Variants in PCNT observed in about 807,000 individuals in gnomAD.
The protein encoded by PCNT is pericentrin.
Under a neutral mutation model 380.4 loss-of-function variants are expected in PCNT, and 319 were observed. The observed-to-expected ratio is 0.84, with a 90% CI of 0.77 to 0.92. The LOEUF is 0.92. Among genes scored for constraint, PCNT ranks in the 40% least tolerant of loss-of-function variants. PCNT has a pLI of 0.00. For synonymous variants in PCNT, 1,845 were observed against 1,735.2 expected, an observed-to-expected ratio of 1.06 and a Z score of -1.57; for missense variants, 4,400 against 4,255.3, an observed-to-expected ratio of 1.03 and a Z score of -0.95.
Position 46,356,988 on chromosome 21 carries a change from C to T in PCNT, c.1951C>T (p.His651Tyr), listed in dbSNP as rs1173381515. Residue 651 changes from histidine to tyrosine, a missense_variant, in exon 13 of 47, where the codon CAT (histidine) becomes TAT (tyrosine). Coordinates refer to ENST00000359568, the MANE Select transcript of PCNT (RefSeq NM_006031.6). ...TTTCCACACAGAGCTTCCCTGGGTG[C>T]ATCTCCAGGGTGTGCAGGACGGGGA... ...EGHSQELPWV[H>Y]LQGVQDGDLE... 3 of 1,613,906 alleles carry T rather than the reference C, an allele frequency of 1.9e-6. No individual in the cohort carries two copies. Among genetic ancestry groups the T allele is most frequent in the South Asian group, 1.1e-5 (1 of 91,074 alleles).
At chr21:46,342,626 C>T (rs1050801994) in intron 3 of PCNT, among the ~76,000 whole-genome samples, 2 of 151,700 alleles carry the variant, frequency 1.3e-5, no homozygotes, top group Non-Finnish European at 1.5e-5. Context: ...CTGCAACCTC[C>T]GCCTCCCGGG....
chr21:46,392,041 G>T (rs1020508086), intron 21 of PCNT, among the ~76,000 whole-genome samples: 1 of 152,108 alleles, frequency 6.6e-6, no homozygotes, highest in Non-Finnish European at 1.5e-5. Context: ...AGAAGCTTGG[G>T]CATCGCAGGC....
chr21:46,354,101 C>A (rs1466364080), intron 11 of PCNT, 33 bp downstream of exon 11: 2 of 1,578,284 alleles, frequency 1.3e-6, no homozygotes, highest in South Asian at 1.1e-5. Flanking sequence ...GTGGGGGAGT[C>A]CTGTGCTCTT....
intron 38 of PCNT, 84 bp from the exon 39 acceptor site, chr21:46,435,820 G>A: frequency 6.5e-7 from 1 of 1,532,224 alleles, no homozygotes. Context: ...AGGATTACAG[G>A]CATGAACCAC....
At chr21:46,395,651 A>G (rs1319468633) in intron 21 of PCNT, among the ~76,000 whole-genome samples, 1 of 151,982 alleles carries the variant, frequency 6.6e-6, no homozygotes, top group Non-Finnish European at 1.5e-5. Context: ...CAGAAATAAT[A>G]GTAATAAAAT....
intron 16 of PCNT, among the ~76,000 whole-genome samples, chr21:46,384,132 A>T (rs573815722): frequency 2.1e-5 from 3 of 142,764 alleles, no homozygotes; most frequent in Non-Finnish European, 4.6e-5. Context: ...TTGTATATTC[A>T]GTGATGGAAG....
chr21:46,405,848 T>G (rs1167384484), intron 27 of PCNT, among the ~76,000 whole-genome samples: 2 of 152,258 alleles, frequency 1.3e-5, no homozygotes, highest in Admixed American at 1.3e-4. Context: ...AGTATTTTTG[T>G]TCCATTAAGA....
At chr21:46,391,540 G>T (rs185378145) in intron 21 of PCNT, among the ~76,000 whole-genome samples, 164 bp downstream of exon 21, 1 of 152,212 alleles carries the variant, frequency 6.6e-6, no homozygotes. Flanking sequence ...GTGCGGATCA[G>T]GTGAGGCATC....
intron 13 of PCNT, 96 bp downstream of exon 13, chr21:46,357,287 G>T: frequency 1.1e-6 from 1 of 883,802 alleles, no homozygotes; most frequent in Admixed American, 1.7e-5. Context: ...GGGCATCCTG[G>T]GGACAGCCCA....
At position 46,444,769 on chromosome 21, in the gene PCNT, G is replaced by GT. The variant is rs2053709649; in HGVS notation, c.9916dup (p.Tyr3306LeufsTer30). On this transcript the variant is annotated frameshift_variant, in exon 46 of 47. Coordinates refer to ENST00000359568, the MANE Select transcript of PCNT (RefSeq NM_006031.6). LOFTEE classifies it high-confidence loss of function. ...AAGATCCAGAACATTCCTTGACAGA[G>GT]TATATTCACCATTTAGAAGTGATCC... 1.2e-6 allele frequency: 2 copies of GT among 1,612,854 alleles called. No homozygotes were observed.
Position 46,385,850 on chromosome 21 carries a change from T to G in PCNT, c.3331T>G (p.Ser1111Ala), listed in dbSNP as rs765630286. The G allele has an allele frequency of 1.4e-5, 22 of 1,614,132 alleles. No individual in the cohort carries two copies. The highest frequency in any genetic ancestry group is 1.8e-5 in the Non-Finnish European group (21 of 1,180,052). ...TCGATAGCTGAAAGACCAGGTTTTA[T>G]CCTTAAGTCACGAGATAGAAGAGTG... ...QVQQLKDQVL[S>A]LSHEIEECRS... The change falls in exon 17 of 47, where the codon TCC becomes GCC. Residue 1111 changes from serine (S) to alanine (A), a missense_variant. Ser to Ala is a moderately conservative substitution (Grantham distance 99). Transcript: ENST00000359568.
At position 46,440,212 on chromosome 21, in the gene PCNT, G is replaced by C. The variant is rs1454552052; in HGVS notation, c.9393+10G>C. 6.2e-7 allele frequency: 1 copy of C among 1,613,908 alleles called. No homozygotes were observed. The highest frequency in any genetic ancestry group is 8.5e-7 in the Non-Finnish European group (1 of 1,180,022). Reference sequence around the variant, plus strand: ...CACCAGCAATGTCAAGGTAGGAACGGTGCCACGAGTATAGAACTTTGGTGC... The same window carrying C: ...CACCAGCAATGTCAAGGTAGGAACGCTGCCACGAGTATAGAACTTTGGTGC... On this transcript the variant is annotated intron_variant, in intron 42 of 46. Transcript: ENST00000359568.
In PCNT at chr21:46,363,520, A is replaced by G. The variant is rs1342837122; in HGVS notation, c.2195A>G (p.Asn732Ser). Residue 732 changes from asparagine (N) to serine (S), a missense_variant, in exon 14 of 47, where the codon AAT (asparagine) becomes AGT (serine). Coordinates refer to ENST00000359568, the MANE Select transcript of PCNT (RefSeq NM_006031.6). ...NLIEDHQKEL[N>S]NAKQKTELMK... ...ATTGAAGACCACCAGAAGGAACTAA[A>G]TAATGCTAAGCAAAAGACTGAGCTG... 1 of 1,614,136 alleles carries G rather than the reference A, an allele frequency of 6.2e-7. No individual in the cohort carries two copies. The highest frequency in any genetic ancestry group is 1.7e-5 in the Admixed American group (1 of 60,022).
intron 1 of PCNT, 52 bp from the exon 2 acceptor site, chr21:46,326,325 A>AT (rs2083392764): frequency 1.3e-6 from 2 of 1,571,814 alleles, no homozygotes; most frequent in Non-Finnish European, 1.7e-6. Flanking sequence ...TGGTTCTGTT[A>AT]TTTTTTTCTC....
At chr21:46,347,570 C>A in intron 6 of PCNT, 58 bp downstream of exon 6, 1 of 1,530,558 alleles carries the variant, frequency 6.5e-7, no homozygotes, top group Non-Finnish European at 9.1e-7. Context: ...TCCTTTCTCG[C>A]CAGGTCCCAT....
chr21:46,436,684 C>T (rs1254514238), intron 39 of PCNT, among the ~76,000 whole-genome samples: 2 of 152,162 alleles, frequency 1.3e-5, no homozygotes, highest in Non-Finnish European at 2.9e-5. Context: ...TCACTTAGGA[C>T]AGCATTTTAA....
At chr21:46,327,565 CCT>C (rs1234608887) in intron 2 of PCNT, among the ~76,000 whole-genome samples, 2 of 151,940 alleles carry the variant, frequency 1.3e-5, no homozygotes, top group Non-Finnish European at 2.9e-5. Flanking sequence ...TGCGCCTGGC[CCT>C]GTTTTATCTT....
chr21:46,403,081 C>T (rs2086482892), intron 27 of PCNT, among the ~76,000 whole-genome samples: 1 of 152,282 alleles, frequency 6.6e-6, no homozygotes, highest in Non-Finnish European at 1.5e-5. Context: ...CCTTGAAAGA[C>T]CTTGTGTAGA....
chr21:46,404,541 C>T (rs930524858), intron 27 of PCNT, among the ~76,000 whole-genome samples: 1 of 138,274 alleles, frequency 7.2e-6, no homozygotes, highest in Non-Finnish European at 1.7e-5. Context: ...CTGGCTACGC[C>T]TGCGTCTCCT....
Sources: allele counts gnomAD v4.1 joint callset (sites outside exome capture counted in the v4.1 genomes callset), GRCh38; gene constraint gnomAD v4.1.1; transcripts MANE v1.5; gene names NCBI Gene and HGNC (gene_info 2026-07-23, HGNC 2026-07-21).